Variants in CACNA1E observed in about 807,000 individuals in gnomAD.
CACNA1E encodes the protein calcium voltage-gated channel subunit alpha1 E, also known as voltage-dependent R-type calcium channel subunit alpha-1E.
A neutral mutation model predicts 259.2 loss-of-function variants in CACNA1E; 40 were observed. That is an observed-to-expected ratio of 0.15 (90% confidence interval 0.12 to 0.20). CACNA1E has a LOEUF of 0.20. Among genes scored for constraint, CACNA1E ranks in the 10% least tolerant of loss-of-function variants. The probability of loss-of-function intolerance (pLI) is 1.00; values close to 1 mark genes in which losing one functional copy is unlikely to be tolerated. For synonymous variants in CACNA1E, 1,104 were observed against 1,138.5 expected (o/e 0.97, Z 0.61); for missense variants, 1,874 against 3,040.1 (o/e 0.62, Z 9.02).
At chr1:181,792,854 T>TGACA (rs1661447952) in intron 44 of CACNA1E, among the ~76,000 whole-genome samples, 1 of 152,242 alleles carries the variant, frequency 6.6e-6, no homozygotes, top group South Asian at 2.1e-4. Flanking sequence ...CAAACAAGAA[T>TGACA]GACAGAACCT....
At chr1:181,696,877 A>T (rs1369230168) in intron 7 of CACNA1E, among the ~76,000 whole-genome samples, 1 of 152,240 alleles carries the variant, frequency 6.6e-6, no homozygotes, top group Non-Finnish European at 1.5e-5. Flanking sequence ...TGCTAGTGAC[A>T]ACTAGTGTTT....
At chr1:181,523,160 G>A (rs1006428339) in intron 3 of CACNA1E, among the ~76,000 whole-genome samples, 2 of 152,150 alleles carry the variant, frequency 1.3e-5, no homozygotes, top group Admixed American at 1.3e-4. Context: ...TTCAAGTTTG[G>A]GGTGGGATCT....
intron 6 of CACNA1E, among the ~76,000 whole-genome samples, chr1:181,609,175 C>T (rs1558181246): frequency 1.3e-5 from 2 of 152,226 alleles, no homozygotes; most frequent in Admixed American, 6.5e-5. Context: ...TAATGTCTGC[C>T]AAACACAAAA....
intron 1 of CACNA1E, among the ~76,000 whole-genome samples, chr1:181,346,629 C>T (rs961982103): frequency 1.3e-5 from 2 of 152,194 alleles, no homozygotes; most frequent in Non-Finnish European, 2.9e-5. Context: ...CCCTTAGGAC[C>T]CTTCTCTAAG....
intron 7 of CACNA1E, among the ~76,000 whole-genome samples, chr1:181,706,292 A>T (rs934828357): frequency 2.0e-5 from 3 of 152,030 alleles, no homozygotes; most frequent in African/African-American, 7.2e-5. Context: ...TCATCATCCG[A>T]ATCACCCCAG....
intron 43 of CACNA1E, among the ~76,000 whole-genome samples, chr1:181,786,021 G>A (rs764183903): frequency 6.6e-6 from 1 of 152,214 alleles, no homozygotes; most frequent in Non-Finnish European, 1.5e-5. Context: ...TAGCACTGTG[G>A]TCAACGTCGG....
chr1:181,404,510 A>G lies in CACNA1E; in HGVS notation c.-14-8623A>G, dbSNP rs111239315. Among the ~76,000 whole-genome samples, 349 of 152,358 alleles carry G rather than the reference A, an allele frequency of 2.3e-3. 2 individuals carry two copies. Among genetic ancestry groups the G allele is most frequent in the African/African-American group, 7.4e-3 (307 of 41,584 alleles). On this transcript the variant is annotated intron_variant, in intron 1 of 11. Coordinates refer to the CACNA1E transcript ENST00000524607. ...AATTATAACATAATTGTTGGTAATC[A>G]TGTCGTAAAATATGTAGTAAATGAC...
rs576608609 is a variant in CACNA1E at position 181,571,227 on chromosome 1, A to C, written c.513-6539A>C. On this transcript the variant is annotated intron_variant, in intron 3 of 47. Transcript: ENST00000367573. ...AATTTCAAAAAGCCTGACAGCTAGTATAGGTGATGGAACTGGGATTTGAAA... is the reference window on the plus strand; with the variant it reads ...AATTTCAAAAAGCCTGACAGCTAGTCTAGGTGATGGAACTGGGATTTGAAA... 2.0e-5 allele frequency among the ~76,000 whole-genome samples: 3 copies of C among 152,336 alleles called. No homozygotes were observed. In the East Asian group the frequency reaches 5.8e-4, roughly 29 times the overall value.
chr1:181,563,673 A>C (rs548244226), intron 3 of CACNA1E, among the ~76,000 whole-genome samples: 2 of 152,292 alleles, frequency 1.3e-5, no homozygotes, highest in South Asian at 4.1e-4. Context: ...TATCTTAGGG[A>C]TTAAGACACT....
At chr1:181,748,464 C>T (rs7544827) in intron 25 of CACNA1E, among the ~76,000 whole-genome samples, 128,201 of 152,120 alleles carry the variant, frequency 0.84, 54,122 homozygotes, top group South Asian at 0.9. Flanking sequence ...CCGCAGAAGA[C>T]GCATGTCTAT....
At chr1:181,787,928 A>G (rs1278703531) in intron 43 of CACNA1E, among the ~76,000 whole-genome samples, 1 of 152,222 alleles carries the variant, frequency 6.6e-6, no homozygotes, top group Non-Finnish European at 1.5e-5. Flanking sequence ...TGGGGGCATT[A>G]TAAGCAGGAT....
At chr1:181,660,994 A>T (rs909364807) in intron 7 of CACNA1E, among the ~76,000 whole-genome samples, 4 of 152,328 alleles carry the variant, frequency 2.6e-5, no homozygotes, top group Non-Finnish European at 5.9e-5. Context: ...AGGAAGAGAT[A>T]GCAACAGGGG....
At chr1:181,605,893 T>C (rs1051689942) in intron 6 of CACNA1E, among the ~76,000 whole-genome samples, 4 of 152,294 alleles carry the variant, frequency 2.6e-5, no homozygotes, top group Admixed American at 2.6e-4. Context: ...GGATATAAAC[T>C]TGGGGGTAAT....
rs1208364424 is a variant in CACNA1E, at chr1:181,355,810, A to T, written c.-15+37687A>T. Among the ~76,000 whole-genome samples, 3 of 152,202 alleles carry T rather than the reference A, an allele frequency of 2.0e-5. No individual in the cohort carries two copies. In the East Asian group the frequency reaches 5.8e-4, roughly 29 times the overall value. The stretch of plus-strand genomic sequence containing the variant: ...TGGAGGACAGGGGATGTTAAAGCTG[A>T]ATTGATAGGAGGAGATACTGAGAGT... On this transcript the variant is annotated intron_variant, in intron 1 of 11. Coordinates refer to the CACNA1E transcript ENST00000524607.
At chr1:181,521,758 G>A (rs1667007987) in intron 3 of CACNA1E, among the ~76,000 whole-genome samples, 1 of 152,178 alleles carries the variant, frequency 6.6e-6, no homozygotes, top group Admixed American at 6.5e-5. Context: ...AACCTAACTT[G>A]AGACCTGAAG....
At chr1:181,385,275 G>A (rs1030172625) in intron 1 of CACNA1E, among the ~76,000 whole-genome samples, 1 of 152,210 alleles carries the variant, frequency 6.6e-6, no homozygotes, top group Non-Finnish European at 1.5e-5. Context: ...GCGAGTGCAA[G>A]TAATAAAAAT....
intron 2 of CACNA1E, among the ~76,000 whole-genome samples, chr1:181,428,892 G>A (rs1344863812): frequency 6.6e-6 from 1 of 152,184 alleles, no homozygotes; most frequent in Admixed American, 6.5e-5. Context: ...AAATGTTGCT[G>A]TAAAGGAGGC....
intron 1 of CACNA1E, among the ~76,000 whole-genome samples, chr1:181,498,735 G>A (rs1664995181): frequency 6.6e-6 from 1 of 152,164 alleles, no homozygotes; most frequent in African/African-American, 2.4e-5. Context: ...AAGTGGCAGA[G>A]CAGAGCCTAG....
Position 181,630,355 on chromosome 1 carries a change from T to G in CACNA1E, c.952-20983T>G, listed in dbSNP as rs541666792. ...CCTCTTCCTGAGGGCTTTGTCTTCA[T>G]GCATGGGACAAAGCAGTGTAATTAA... On this transcript the variant is annotated intron_variant, in intron 6 of 47. Transcript: ENST00000367573. 6.1e-4 allele frequency among the ~76,000 whole-genome samples: 93 copies of G among 151,714 alleles called. 1 individual carries two copies. The highest frequency in any genetic ancestry group is 1.1e-3 in the Non-Finnish European group (77 of 67,938).
Sources: gnomAD v4.1 joint callset for allele counts (sites outside exome capture counted in the v4.1 genomes callset) on GRCh38, gnomAD v4.1.1 for gene constraint, MANE v1.5 for transcripts, NCBI Gene and HGNC (gene_info 2026-07-23, HGNC 2026-07-21) for gene names.